Variants in TAF1 observed in about 807,000 individuals in gnomAD.
TAF1 encodes the protein transcription initiation factor TFIID subunit 1.
Under a neutral mutation model 138.5 loss-of-function variants are expected in TAF1, and 2 were observed. That is an observed-to-expected ratio of 0.01 (90% CI 0.01 to 0.05). The LOEUF is 0.05. Among genes scored for constraint, TAF1 ranks in the 10% least tolerant of loss-of-function variants. The probability of loss-of-function intolerance (pLI) is 1.00; values close to 1 mark genes in which losing one functional copy is unlikely to be tolerated. For missense variants in TAF1, 709 were observed against 1,478.0 expected, an observed-to-expected ratio of 0.48 and a Z score of 8.53; for synonymous variants, 437 against 503.2, an observed-to-expected ratio of 0.87 and a Z score of 1.76.
intron 32 of TAF1, among the ~76,000 whole-genome samples, 176 bp downstream of exon 32, chrX:71,424,414 CTTTTTTT>C (rs140301261): frequency 1.0e-4 from 3 of 29,933 alleles, no homozygotes; most frequent in African/African-American, 1.5e-4. Flanking sequence ...GTGCCAGGCT[CTTTTTTT>C]TTTTTTTTTT....
At chrX:71,509,005 G>A (rs968566785) in intron 13 of TAF1, among the ~76,000 whole-genome samples, 12 of 106,194 alleles carry the variant, frequency 1.1e-4, no homozygotes, top group African/African-American at 3.5e-4. Flanking sequence ...GTGGGGTCTC[G>A]CCATGTCACC....
At chrX:71,496,964 A>G (rs893994152) in intron 13 of TAF1, among the ~76,000 whole-genome samples, 3 of 111,977 alleles carry the variant, frequency 2.7e-5, no homozygotes, top group Admixed American at 9.5e-5. Flanking sequence ...CTTTCTTTCC[A>G]TATTGCAGCA....
Position 71,502,911 on chromosome X carries a change from C to T in TAF1, c.1367-25631C>T, listed in dbSNP as rs746567417. Among the ~76,000 whole-genome samples the T allele has an allele frequency of 6.4e-5, 7 of 109,208 alleles. No homozygotes were observed. In the East Asian group the frequency reaches 1.7e-3, roughly 27 times the overall value. The allele number at this position is 109,208 out of a possible 115,157, so 94.8% of individuals were successfully genotyped here. ...CAAGATCGCACCACTGCACTCCAGC[C>T]TAGCAACGGAGTGAGACTCCGTCTC... is the stretch of plus-strand genomic sequence containing the variant. On this transcript the variant is annotated intron_variant and NMD_transcript_variant, in intron 13 of 14. Transcript: ENST00000373775.
intron 14 of TAF1, among the ~76,000 whole-genome samples, chrX:71,385,835 C>T (rs1164284424): frequency 8.9e-6 from 1 of 112,035 alleles, no homozygotes; most frequent in Non-Finnish European, 1.9e-5. Context: ...AATTCAGCCT[C>T]TTCTTTTGTG....
At chrX:71,377,323 T>G in intron 5 of TAF1, 132 bp downstream of exon 5, 1 of 992,499 alleles carries the variant, frequency 1.0e-6, no homozygotes, top group African/African-American at 1.9e-5. Flanking sequence ...ATAAGAGCTC[T>G]TCACACTGTA....
chrX:71,433,175 A>G (rs2036974661), intron 32 of TAF1, among the ~76,000 whole-genome samples: 1 of 112,337 alleles, frequency 8.9e-6, no homozygotes, highest in Non-Finnish European at 1.9e-5. Flanking sequence ...TCCAGAGGTG[A>G]AGCAGTTTTC....
At chrX:71,439,899 G>T (rs751566562) in intron 32 of TAF1, among the ~76,000 whole-genome samples, 1 of 111,628 alleles carries the variant, frequency 9.0e-6, no homozygotes, top group Admixed American at 9.6e-5. Flanking sequence ...TCAAAACCAG[G>T]AAATTTATAT....
At chrX:71,398,195 G>A (rs753248367) in intron 23 of TAF1, among the ~76,000 whole-genome samples, 1 of 111,049 alleles carries the variant, frequency 9.0e-6, no homozygotes, top group East Asian at 2.9e-4. Context: ...AAAATTAGCT[G>A]GGTGTGGTGG....
intron 32 of TAF1, 93 bp from the exon 33 acceptor site, chrX:71,454,077 G>A (rs920394219): frequency 5.7e-5 from 44 of 777,429 alleles, no homozygotes; most frequent in Non-Finnish European, 7.9e-5. Flanking sequence ...GGTTTTTCTA[G>A]GTCTAGGATA....
At chrX:71,399,271 T>G (rs1489184930) in intron 24 of TAF1, among the ~76,000 whole-genome samples, 1 of 99,190 alleles carries the variant, frequency 1.0e-5, no homozygotes, top group Non-Finnish European at 2.0e-5. Context: ...TTTTTTTTTT[T>G]TTTGAAACAG....
At chrX:71,396,219 A>C (rs781656470) in intron 22 of TAF1, among the ~76,000 whole-genome samples, 18 of 108,471 alleles carry the variant, frequency 1.7e-4, no homozygotes, top group Admixed American at 1.5e-3. Flanking sequence ...ATGTTTGAGA[A>C]GCTTATGTTA....
chrX:71,477,634 T>C (rs886352820), intron 13 of TAF1, among the ~76,000 whole-genome samples: 2 of 112,191 alleles, frequency 1.8e-5, no homozygotes, highest in African/African-American at 3.2e-5. Flanking sequence ...AAAGGATTTC[T>C]TAGACAATAA....
Position 71,490,431 on chromosome X carries a change from A to AT in TAF1, c.1366+29641dup, listed in dbSNP as rs954362394. ...CCTGTCTGTTATACTAAGGAATTGG[A>AT]TTTTTTTTTTTTTGAGACGGAGTCT... On this transcript the variant is annotated intron_variant and NMD_transcript_variant, in intron 13 of 14. Coordinates refer to the TAF1 transcript ENST00000373775. 4.7e-3 allele frequency among the ~76,000 whole-genome samples: 499 copies of AT among 106,269 alleles called. 1 individual carries two copies. The highest frequency in any genetic ancestry group is 9.8e-3 in the Middle Eastern group (2 of 204). 92.3% of individuals were successfully genotyped at this position (106,269 alleles called of 115,157 possible).
At position 71,454,150 on chromosome X, in the gene TAF1, C is replaced by CT. The variant is rs1403372936; in HGVS notation, c.4754-17dup. 4 of 1,192,748 alleles carry CT rather than the reference C, an allele frequency of 3.4e-6. No individual in the cohort carries two copies. The highest frequency in any genetic ancestry group is 4.5e-6 in the Non-Finnish European group (4 of 881,245). ...GAACAAGTCTGCAAAGATAATGGCA[C>CT]TTTCTTATTTTATTTATAGGACCTG... On this transcript the variant is annotated intron_variant, in intron 32 of 37. Coordinates refer to ENST00000423759, the MANE Select transcript of TAF1 (RefSeq NM_004606.5).
chrX:71,461,717 A>G lies in TAF1; in HGVS notation c.5399+914A>G, dbSNP rs1199798097. 2.3e-4 allele frequency among the ~76,000 whole-genome samples: 26 copies of G among 112,188 alleles called. No individual in the cohort carries two copies. The Admixed American group carries it at 2.5e-3, about 11-fold the overall frequency. On this transcript the variant is annotated intron_variant, in intron 37 of 37. Transcript: ENST00000423759. ...TAATTTTTTACTTCAGCAAATATTT[A>G]TCATAAGTACAAAAACAACTAAGAT...
At chrX:71,379,166 A>G (rs1218083603) in intron 8 of TAF1, 135 bp downstream of exon 8, 33 of 623,796 alleles carry the variant, frequency 5.3e-5, no homozygotes, top group Non-Finnish European at 6.2e-5. Context: ...CCCAGGATGG[A>G]GTGCAATGGT....
intron 24 of TAF1, among the ~76,000 whole-genome samples, chrX:71,399,567 CTTTT>C (rs35622645): frequency 3.5e-5 from 1 of 28,942 alleles, no homozygotes; most frequent in African/African-American, 1.4e-4. Context: ...GTTATTTATT[CTTTT>C]TTTTTTTTTT....
At chrX:71,435,203 A>C (rs1007713513) in intron 32 of TAF1, among the ~76,000 whole-genome samples, 1 of 112,220 alleles carries the variant, frequency 8.9e-6, no homozygotes, top group African/African-American at 3.2e-5. Context: ...TAGAATGCTC[A>C]GTTGGACCCC....
chrX:71,462,551 A>G (rs1482408638), intron 37 of TAF1, among the ~76,000 whole-genome samples: 1 of 111,613 alleles, frequency 9.0e-6, no homozygotes, highest in African/African-American at 3.3e-5. Flanking sequence ...CAGCCTGGTG[A>G]CAGAGCAAGA....
Sources: gnomAD v4.1 joint callset for allele counts (sites outside exome capture counted in the v4.1 genomes callset) on GRCh38, gnomAD v4.1.1 for gene constraint, MANE v1.5 for transcripts, NCBI Gene and HGNC (gene_info 2026-07-23, HGNC 2026-07-21) for gene names.